CSGALNACT1: variants seen among roughly 807,000 people sequenced by gnomAD.
The protein encoded by CSGALNACT1 is beta4GalNAcT-1.
A neutral mutation model predicts 51.0 loss-of-function variants in CSGALNACT1; 52 were observed. The observed-to-expected ratio is 1.02, with a 90% confidence interval of 0.82 to 1.29. The LOEUF (loss-of-function observed/expected upper bound fraction) is 1.29. Among genes scored for constraint, CSGALNACT1 ranks in the 50% most tolerant of loss-of-function variants. The pLI is 0.00. For missense variants in CSGALNACT1, 935 were observed against 679.2 expected, an observed-to-expected ratio of 1.38 and a Z score of -4.19; for synonymous variants, 341 against 254.4, an observed-to-expected ratio of 1.34 and a Z score of -3.24.
upstream of CSGALNACT1, among the ~76,000 whole-genome samples, chr8:19,684,989 T>C (rs1053719035): frequency 6.6e-6 from 1 of 152,212 alleles, no homozygotes; most frequent in African/African-American, 2.4e-5. Context: ...CTCACAGATT[T>C]TGCCCTCAAT....
chr8:19,571,417 T>C (rs2042996647), intron 3 of CSGALNACT1, among the ~76,000 whole-genome samples: 2 of 151,298 alleles, frequency 1.3e-5, no homozygotes, highest in Non-Finnish European at 2.9e-5. Context: ...GGTGCCTATC[T>C]GGCCAAAGTC....
At chr8:19,670,634 T>C (rs1430204155) in intron 1 of CSGALNACT1, among the ~76,000 whole-genome samples, 2 of 110,112 alleles carry the variant, frequency 1.8e-5, no homozygotes, top group African/African-American at 7.4e-5. Flanking sequence ...CAGAACTGAT[T>C]ATGCACTACT....
chr8:19,673,238 C>A (rs2059926014), intron 1 of CSGALNACT1, among the ~76,000 whole-genome samples: 1 of 152,218 alleles, frequency 6.6e-6, no homozygotes, highest in African/African-American at 2.4e-5. Context: ...AGAGCCTTCA[C>A]TGGGATTCCA....
At chr8:19,577,076 AG>A (rs34472075) in intron 3 of CSGALNACT1, among the ~76,000 whole-genome samples, 1 of 151,950 alleles carries the variant, frequency 6.6e-6, no homozygotes, top group Admixed American at 6.5e-5. Flanking sequence ...AAAGAGAGAG[AG>A]GGTAACATGT....
intron 1 of CSGALNACT1, among the ~76,000 whole-genome samples, chr8:19,733,546 T>A (rs548668045): frequency 6.6e-6 from 1 of 152,294 alleles, no homozygotes; most frequent in East Asian, 1.9e-4. Flanking sequence ...CCAATATGGA[T>A]TATCGCTCAC....
intron 1 of CSGALNACT1, among the ~76,000 whole-genome samples, chr8:19,622,043 T>C (rs868261263): frequency 2.6e-5 from 4 of 152,214 alleles, no homozygotes; most frequent in East Asian, 1.9e-4. Flanking sequence ...AAATAGTCCA[T>C]TGTGGCCAAT....
At chr8:19,654,283 T>G (rs922941446) in intron 1 of CSGALNACT1, among the ~76,000 whole-genome samples, 1 of 152,190 alleles carries the variant, frequency 6.6e-6, no homozygotes, top group African/African-American at 2.4e-5. Flanking sequence ...CCAGTTAGCA[T>G]GGTAACAAGC....
chr8:19,546,983 T>C (rs1211457603), intron 3 of CSGALNACT1, among the ~76,000 whole-genome samples: 2 of 152,262 alleles, frequency 1.3e-5, no homozygotes, highest in African/African-American at 2.4e-5. Flanking sequence ...CAGATGCGTC[T>C]TCTCTAGAAA....
chr8:19,518,566 G>A (rs1012492158), intron 3 of CSGALNACT1, among the ~76,000 whole-genome samples: 1 of 152,144 alleles, frequency 6.6e-6, no homozygotes, highest in African/African-American at 2.4e-5. Flanking sequence ...ATCCTGTGCA[G>A]TCTCTGCCAC....
chr8:19,611,934 T>C (rs1280945758), intron 1 of CSGALNACT1, among the ~76,000 whole-genome samples: 1 of 151,960 alleles, frequency 6.6e-6, no homozygotes, highest in Non-Finnish European at 1.5e-5. Flanking sequence ...CTGTTGCCTT[T>C]ATGGTGAAAA....
chr8:19,495,351 A>G (rs962806659), intron 4 of CSGALNACT1, among the ~76,000 whole-genome samples: 2 of 152,246 alleles, frequency 1.3e-5, no homozygotes, highest in African/African-American at 4.8e-5. Context: ...CAGAAAGCAC[A>G]GAAACAATAT....
intron 4 of CSGALNACT1, among the ~76,000 whole-genome samples, chr8:19,493,819 A>G (rs1055687010): frequency 6.6e-6 from 1 of 151,996 alleles, no homozygotes; most frequent in Non-Finnish European, 1.5e-5. Flanking sequence ...AGGAGTTTTT[A>G]AGTTAATGTG....
At chr8:19,611,900 G>A (rs1028627112) in intron 1 of CSGALNACT1, among the ~76,000 whole-genome samples, 1 of 151,922 alleles carries the variant, frequency 6.6e-6, no homozygotes, top group African/African-American at 2.4e-5. Flanking sequence ...GTAAACGTGG[G>A]CAAGCCATGT....
intron 3 of CSGALNACT1, among the ~76,000 whole-genome samples, chr8:19,570,154 T>C (rs1339518087): frequency 2.0e-5 from 3 of 152,004 alleles, no homozygotes; most frequent in Non-Finnish European, 2.9e-5. Flanking sequence ...TAAACAGATA[T>C]ATTCATATGT....
At chr8:19,636,619 C>G (rs1564316536) in intron 1 of CSGALNACT1, among the ~76,000 whole-genome samples, 1 of 152,142 alleles carries the variant, frequency 6.6e-6, no homozygotes, top group Non-Finnish European at 1.5e-5. Context: ...ACCTGTCTTT[C>G]CAAAATCGAT....
At chr8:19,487,827 G>A (rs1294221455) in intron 4 of CSGALNACT1, among the ~76,000 whole-genome samples, 1 of 152,124 alleles carries the variant, frequency 6.6e-6, no homozygotes, top group South Asian at 2.1e-4. Flanking sequence ...CTAGTCAAAG[G>A]CAGCTTGGGG....
upstream of CSGALNACT1, among the ~76,000 whole-genome samples, chr8:19,685,854 G>A (rs559654218): frequency 1.2e-4 from 19 of 152,314 alleles, no homozygotes; most frequent in South Asian, 1.2e-3. Flanking sequence ...GGAGGCTTGA[G>A]TTTAAGTTCT....
At chr8:19,446,402 T>A (rs1387490870) in intron 5 of CSGALNACT1, among the ~76,000 whole-genome samples, 1 of 152,028 alleles carries the variant, frequency 6.6e-6, no homozygotes, top group African/African-American at 2.4e-5. Flanking sequence ...CTTCCTAAGA[T>A]CCCTCCAGGG....
chr8:19,667,029 AAGGAAGG>A lies in CSGALNACT1; in HGVS notation c.-544+15437_-544+15443del, dbSNP rs1158452887. On this transcript the variant is annotated intron_variant, in intron 1 of 9. Transcript: ENST00000332246. ...AAAGAAAGAAAGAAAGGAAGGAAGG[AAGGAAGG>A]AAGGAAGAAAGAAAGAAAGAAAGAA... Among the ~76,000 whole-genome samples the A allele has an allele frequency of 2.2e-3, 82 of 37,960 alleles. 8 individuals carry two copies. Among genetic ancestry groups the A allele is most frequent in the African/African-American group, 0.01 (57 of 5,446 alleles). The allele number at this position is 37,960 out of a possible 152,430, so 24.9% of individuals were successfully genotyped here.
Sources: gnomAD v4.1 joint callset for allele counts (sites outside exome capture counted in the v4.1 genomes callset) on GRCh38, gnomAD v4.1.1 for gene constraint, MANE v1.5 for transcripts, NCBI Gene and HGNC (gene_info 2026-07-23, HGNC 2026-07-21) for gene names.